Variants in TRAF3IP1 observed in about 807,000 individuals in gnomAD.
The protein encoded by TRAF3IP1 is TRAF3-interacting protein 1.
A neutral mutation model predicts 89.9 loss-of-function variants in TRAF3IP1; 53 were observed. That is an observed-to-expected ratio of 0.59 (90% CI 0.47 to 0.74). TRAF3IP1 has a LOEUF of 0.74. Among genes scored for constraint, TRAF3IP1 ranks in the 30% least tolerant of loss-of-function variants. The probability of loss-of-function intolerance (pLI) is 0.00; values close to 1 mark genes in which losing one functional copy is unlikely to be tolerated. For synonymous variants in TRAF3IP1, 311 were observed against 322.1 expected, an observed-to-expected ratio of 0.97 and a Z score of 0.37; for missense variants, 806 against 866.1, an observed-to-expected ratio of 0.93 and a Z score of 0.87.
intron 15 of TRAF3IP1, among the ~76,000 whole-genome samples, chr2:238,371,710 C>G (rs1700119230): frequency 6.6e-6 from 1 of 152,052 alleles, no homozygotes; most frequent in African/African-American, 2.4e-5. Context: ...CACCAGATTT[C>G]AAATATGGTG....
At chr2:238,393,273 A>G (rs772076726) in intron 15 of TRAF3IP1, among the ~76,000 whole-genome samples, 16 of 152,212 alleles carry the variant, frequency 1.1e-4, no homozygotes, top group Non-Finnish European at 2.4e-4. Context: ...TTGAATTCGC[A>G]TTTCCCTAAT....
chr2:238,335,627 T>C (rs1698347219), intron 7 of TRAF3IP1, among the ~76,000 whole-genome samples: 1 of 152,200 alleles, frequency 6.6e-6, no homozygotes, highest in Non-Finnish European at 1.5e-5. Context: ...GTGTTAAATA[T>C]ATGCTTTCAT....
intron 15 of TRAF3IP1, among the ~76,000 whole-genome samples, chr2:238,358,179 C>T (rs1427822287): frequency 1.3e-5 from 2 of 151,122 alleles, no homozygotes; most frequent in Admixed American, 6.6e-5. Context: ...GGCGCGATCT[C>T]GGCTCACTGC....
intron 12 of TRAF3IP1, among the ~76,000 whole-genome samples, chr2:238,350,169 A>G (rs1203147258): frequency 2.6e-5 from 4 of 152,162 alleles, no homozygotes; most frequent in East Asian, 1.9e-4. Context: ...TGGAGGCAGG[A>G]GTAGATGTGT....
Position 238,321,190 on chromosome 2 carries a change from TCTTA to T in TRAF3IP1, c.123+409_123+412del, listed in dbSNP as rs965897772. On this transcript the variant is annotated intron_variant, in intron 1 of 16. Transcript: ENST00000373327. ...GGAGGCTCCGGGCCCTCAGGAGCAT[TCTTA>T]CTTCTTCCCTGCCTGCCCTTGTATT... 4.0e-4 allele frequency among the ~76,000 whole-genome samples: 61 copies of T among 152,312 alleles called. 1 individual carries two copies. Among genetic ancestry groups the T allele is most frequent in the East Asian group, 2.1e-3 (11 of 5,172 alleles).
rs755123346 is a variant in TRAF3IP1 at position 238,398,958 on chromosome 2, T to A, written c.*39T>A. The stretch of plus-strand genomic sequence containing the variant: ...TCAGAGATGAAAAGTCACCTCAGTT[T>A]AAAAGCAAAAAGGAAGATAGAAAAT... On this transcript the variant is annotated 3_prime_UTR_variant, in exon 17 of 17. Transcript: ENST00000373327. 9 of 1,546,056 alleles carry A rather than the reference T, an allele frequency of 5.8e-6. No individual in the cohort carries two copies. In the African/African-American group the frequency reaches 1.3e-4, roughly 21 times the overall value.
rs34626636 is a variant in TRAF3IP1, at chr2:238,343,646, C to CT, written c.1160-831dup. On this transcript the variant is annotated intron_variant, in intron 8 of 16. Transcript: ENST00000373327. ...TCAGGCATGAGCCACTGTGCTTGGC[C>CT]TTTTTTTTTTTTTTTTTTTTCCCCG... 4.6e-3 allele frequency among the ~76,000 whole-genome samples: 524 copies of CT among 113,420 alleles called. 6 individuals carry two copies. The highest frequency in any genetic ancestry group is 5.7e-3 in the Non-Finnish European group (312 of 55,092). The allele number at this position is 113,420 out of a possible 152,430, so 74.4% of individuals were successfully genotyped here. A position where few individuals can be genotyped will look rare whatever the true frequency, so the allele number is the denominator to read the frequency against.
chr2:238,383,025 A>G (rs966599947), intron 15 of TRAF3IP1, among the ~76,000 whole-genome samples: 2 of 151,176 alleles, frequency 1.3e-5, no homozygotes, highest in African/African-American at 4.9e-5. Context: ...GGCTCCAGCC[A>G]CCTCCCTGCC....
chr2:238,334,078 G>GAT, intron 7 of TRAF3IP1, 43 bp downstream of exon 7: 1 of 1,089,384 alleles, frequency 9.2e-7, no homozygotes, highest in Non-Finnish European at 1.3e-6. Context: ...ATGGATATTA[G>GAT]TTTTTTTTTT....
At chr2:238,392,161 A>G (rs1260549298) in intron 15 of TRAF3IP1, among the ~76,000 whole-genome samples, 1 of 152,200 alleles carries the variant, frequency 6.6e-6, no homozygotes, top group Non-Finnish European at 1.5e-5. Flanking sequence ...GCTTGAGCCC[A>G]GGAGTTTGCG....
intron 9 of TRAF3IP1, among the ~76,000 whole-genome samples, chr2:238,346,773 T>C (rs1450669712): frequency 6.6e-6 from 1 of 152,238 alleles, no homozygotes. Context: ...TCCATGCGCT[T>C]TCTGCTCTTC....
rs1274606518 is a variant in TRAF3IP1 at position 238,351,852 on chromosome 2, TGTGTGTGTGTGTGTGCGCGCGCGCGC to T, written c.1452-969_1452-944del. ...GGATTTTGGTGTGTGTGTGTGTGTGTGTGTGTGTGTGTGTGCGCGCGCGCGCGTGTGCGTGCATGTGCTTGTGTGTA... is the reference window on the plus strand; with the variant it reads ...GGATTTTGGTGTGTGTGTGTGTGTGTGTGTGCGTGCATGTGCTTGTGTGTA... On this transcript the variant is annotated intron_variant, in intron 12 of 16. Coordinates refer to ENST00000373327, the MANE Select transcript of TRAF3IP1 (RefSeq NM_015650.4). This position sits in a 1 kb window ranked among gnomAD's most constrained non-coding sequence, Gnocchi z 5.2. Among the ~76,000 whole-genome samples the T allele has an allele frequency of 8.6e-6, 1 of 116,084 alleles. No homozygotes were observed. The highest frequency in any genetic ancestry group is 1.6e-5 in the Non-Finnish European group (1 of 61,790). 76.2% of individuals were successfully genotyped at this position (116,084 alleles called of 152,430 possible). A position where few individuals can be genotyped will look rare whatever the true frequency, so the allele number is the denominator to read the frequency against.
At chr2:238,396,741 C>T (rs182337798) in intron 15 of TRAF3IP1, among the ~76,000 whole-genome samples, 194 of 152,266 alleles carry the variant, frequency 1.3e-3, no homozygotes, top group Middle Eastern at 6.8e-3. Context: ...CTCGTCTCTG[C>T]GTCCTCCTCA....
intron 3 of TRAF3IP1, among the ~76,000 whole-genome samples, chr2:238,327,217 C>A (rs1179835974): frequency 1.3e-5 from 2 of 152,226 alleles, no homozygotes; most frequent in African/African-American, 4.8e-5. Flanking sequence ...CTTCTTGGTA[C>A]CTGAGCTGCC....
intron 15 of TRAF3IP1, among the ~76,000 whole-genome samples, chr2:238,381,137 ATTTATTTT>A (rs1559389929): frequency 8.2e-6 from 1 of 121,832 alleles, no homozygotes; most frequent in African/African-American, 2.8e-5. Flanking sequence ...TTATTTATTT[ATTTATTTT>A]TTTTTTTTTC....
chr2:238,387,713 T>C (rs1225573418), intron 15 of TRAF3IP1, among the ~76,000 whole-genome samples: 2 of 152,218 alleles, frequency 1.3e-5, no homozygotes, highest in Non-Finnish European at 2.9e-5. Flanking sequence ...TGAATAGTGG[T>C]ATTTCATTCA....
At chr2:238,386,031 G>A (rs967028432) in intron 15 of TRAF3IP1, among the ~76,000 whole-genome samples, 17 of 152,326 alleles carry the variant, frequency 1.1e-4, no homozygotes, top group East Asian at 1.9e-4. Flanking sequence ...ACAATTTGGG[G>A]TATACATGCA....
Position 238,362,582 on chromosome 2 carries a change from C to T in TRAF3IP1, c.1689+6502C>T, listed in dbSNP as rs559802611. Among the ~76,000 whole-genome samples the T allele has an allele frequency of 1.9e-4, 29 of 152,270 alleles. No homozygotes were observed. In the South Asian group the frequency reaches 6.0e-3, roughly 32 times the overall value. On this transcript the variant is annotated intron_variant, in intron 15 of 16. Coordinates refer to ENST00000373327, the MANE Select transcript of TRAF3IP1 (RefSeq NM_015650.4). ...GGAGAAAAGGGAGGAAGGAGAAGGC[C>T]TGCCCTTCTCCTTCAGGATATTTAC...
At chr2:238,364,021 C>T (rs821803) in intron 15 of TRAF3IP1, among the ~76,000 whole-genome samples, 110,613 of 152,154 alleles carry the variant, frequency 0.73, 40,442 homozygotes, top group Middle Eastern at 0.79. Context: ...GAATCTATCA[C>T]CATTATCGAT....
Sources: allele counts gnomAD v4.1 joint callset (sites outside exome capture counted in the v4.1 genomes callset), GRCh38; gene constraint gnomAD v4.1.1; non-coding constraint Gnocchi (gnomAD v3.1); transcripts MANE v1.5; gene names NCBI Gene and HGNC (gene_info 2026-07-23, HGNC 2026-07-21).